The following OR9Q1 variants were observed in gnomAD, a reference collection of about 807,000 sequenced individuals.
OR9Q1 encodes olfactory receptor 9Q1.
For synonymous variants in OR9Q1, 153 were observed against 148.6 expected (o/e 1.03, Z -0.22); for missense variants, 374 against 378.8 (o/e 0.99, Z 0.11).
At chr11:58,068,984 G>C (rs1853461153) in intron 2 of OR9Q1, among the ~76,000 whole-genome samples, 1 of 152,148 alleles carries the variant, frequency 6.6e-6, no homozygotes, top group African/African-American at 2.4e-5. Flanking sequence ...CAGAAAGGGA[G>C]AGCAAATGGC....
chr11:58,032,909 G>GA (rs1853057175), intron 1 of OR9Q1, among the ~76,000 whole-genome samples: 1 of 151,854 alleles, frequency 6.6e-6, no homozygotes, highest in Non-Finnish European at 1.5e-5. Flanking sequence ...AAATCAACAA[G>GA]AAAAAAACAA....
Position 58,074,181 on chromosome 11 carries a change from A to G in OR9Q1, c.-15+18234A>G, listed in dbSNP as rs111344596. On this transcript the variant is annotated intron_variant, in intron 2 of 2. Transcript: ENST00000335397. The stretch of plus-strand genomic sequence containing the variant: ...ATGATTTATCATCCTTTGGGTATAT[A>G]CACAGTAATGGGATTGTTGAGTCAA... Among the ~76,000 whole-genome samples the G allele has an allele frequency of 3.7e-3, 568 of 152,314 alleles. 2 individuals carry two copies. The highest frequency in any genetic ancestry group is 0.017 in the East Asian group (88 of 5,182).
intron 2 of OR9Q1, among the ~76,000 whole-genome samples, chr11:58,081,159 G>C (rs928732473): frequency 6.6e-6 from 1 of 151,922 alleles, no homozygotes; most frequent in South Asian, 2.1e-4. Context: ...ATCCTTTTTT[G>C]TGGCTGCATA....
intron 2 of OR9Q1, chr11:58,125,644 C>T (rs1026963067): frequency 3.3e-5 from 5 of 152,116 alleles, no homozygotes; most frequent in African/African-American, 1.2e-4. Flanking sequence ...CAGTGGTTTT[C>T]CTTGAATCAT....
At chr11:58,035,495 A>G (rs1853092943) in intron 1 of OR9Q1, among the ~76,000 whole-genome samples, 1 of 152,224 alleles carries the variant, frequency 6.6e-6, no homozygotes, top group African/African-American at 2.4e-5. Context: ...GACAATTATA[A>G]TTCAGGTATT....
At chr11:58,178,251 C>T (rs771089386) in intron 2 of OR9Q1, among the ~76,000 whole-genome samples, 121 of 152,230 alleles carry the variant, frequency 7.9e-4, no homozygotes, top group Non-Finnish European at 1.3e-3. Context: ...AAATAATTTG[C>T]GTATTTCGAA....
At chr11:58,124,298 ATAT>A (rs1304927883) in intron 2 of OR9Q1, 1 of 152,212 alleles carries the variant, frequency 6.6e-6, no homozygotes, top group Admixed American at 6.5e-5. Flanking sequence ...TTATAGGTTG[ATAT>A]TATTACTTGT....
chr11:58,094,077 G>A (rs1221921564), intron 2 of OR9Q1, among the ~76,000 whole-genome samples: 1 of 152,114 alleles, frequency 6.6e-6, no homozygotes, highest in Non-Finnish European at 1.5e-5. Context: ...AACTAAAAAT[G>A]TGGTATATAT....
chr11:58,046,322 T>A (rs983225574), intron 1 of OR9Q1, among the ~76,000 whole-genome samples: 1 of 152,138 alleles, frequency 6.6e-6, no homozygotes, highest in Admixed American at 6.5e-5. Context: ...GTGATAGTCA[T>A]GGGAATAAAA....
chr11:58,140,934 C>T (rs921404295), intron 2 of OR9Q1, among the ~76,000 whole-genome samples: 6 of 152,158 alleles, frequency 3.9e-5, no homozygotes, highest in Admixed American at 2.6e-4. Flanking sequence ...GAATGTTCTT[C>T]CATTTGTTTG....
At chr11:58,120,803 C>T (rs1011473275) in intron 2 of OR9Q1, among the ~76,000 whole-genome samples, 12 of 132,676 alleles carry the variant, frequency 9.0e-5, no homozygotes, top group Admixed American at 3.1e-4. Context: ...ATTTCAATAC[C>T]ATATATATAT....
chr11:58,061,583 C>A (rs1853380826), intron 2 of OR9Q1, among the ~76,000 whole-genome samples: 1 of 152,230 alleles, frequency 6.6e-6, no homozygotes, highest in South Asian at 2.1e-4. Context: ...CAGTGCCCTT[C>A]ATTGTTTCTA....
chr11:58,132,008 A>G lies in OR9Q1; in HGVS notation c.-14-47423A>G, dbSNP rs79238390. ...ACTGCAATTACTTTTGCACCAACCGAATGCTAGGTCCAGTTCTGAGTGTTT... is the reference window on the plus strand; with the variant it reads ...ACTGCAATTACTTTTGCACCAACCGGATGCTAGGTCCAGTTCTGAGTGTTT... On this transcript the variant is annotated intron_variant, in intron 2 of 2. Transcript: ENST00000335397. Among the ~76,000 whole-genome samples the G allele has an allele frequency of 9.8e-4, 149 of 152,294 alleles. 2 individuals carry two copies. The East Asian group carries it at 0.024, about 24-fold the overall frequency.
intron 2 of OR9Q1, among the ~76,000 whole-genome samples, chr11:58,096,862 G>A (rs909593217): frequency 6.6e-6 from 1 of 151,946 alleles, no homozygotes; most frequent in African/African-American, 2.4e-5. Flanking sequence ...CATTACCATG[G>A]CTGGCTAATT....
chr11:58,088,878 C>CTT (rs567628509), intron 2 of OR9Q1, among the ~76,000 whole-genome samples: 1 of 150,008 alleles, frequency 6.7e-6, no homozygotes, highest in African/African-American at 2.5e-5. Context: ...GCAATTGCTT[C>CTT]TTTTTTTTTG....
At chr11:58,154,199 G>GGGAGGAGAAGGA (rs1484313979) in intron 2 of OR9Q1, among the ~76,000 whole-genome samples, 8 of 129,958 alleles carry the variant, frequency 6.2e-5, no homozygotes, top group Non-Finnish European at 1.0e-4. Flanking sequence ...GAGGAGAAGG[G>GGGAGGAGAAGGA]GGAGGAGAAG....
At chr11:58,114,560 T>C (rs1853932743) in intron 2 of OR9Q1, among the ~76,000 whole-genome samples, 1 of 152,114 alleles carries the variant, frequency 6.6e-6, no homozygotes, top group Non-Finnish European at 1.5e-5. Context: ...TAGGCAAACA[T>C]TGGGTCTGGG....
intron 2 of OR9Q1, among the ~76,000 whole-genome samples, chr11:58,172,868 T>A (rs1854568099): frequency 6.6e-6 from 1 of 152,220 alleles, no homozygotes; most frequent in Admixed American, 6.5e-5. Context: ...ATTAAATTAT[T>A]AGTGACTGTA....
At chr11:58,062,969 C>A (rs1853395053) in intron 2 of OR9Q1, among the ~76,000 whole-genome samples, 1 of 152,136 alleles carries the variant, frequency 6.6e-6, no homozygotes, top group African/African-American at 2.4e-5. Flanking sequence ...TGAGTTCATG[C>A]TTGCCTTCTC....
Sources: gnomAD v4.1 joint callset for allele counts (sites outside exome capture counted in the v4.1 genomes callset) on GRCh38, gnomAD v4.1.1 for gene constraint, MANE v1.5 for transcripts, NCBI Gene and HGNC (gene_info 2026-07-23, HGNC 2026-07-21) for gene names.